Variants in NFATC2 observed in about 807,000 individuals in gnomAD.
NFATC2 encodes nuclear factor of activated T cells 2.
In NFATC2, 22 loss-of-function variants were observed where a neutral mutation model predicts 87.3. The ratio of observed to expected loss-of-function variants is 0.25; its 90% CI spans 0.18 to 0.36. The LOEUF is 0.36. NFATC2 is among the 10% of genes least tolerant of loss of function. The probability of loss-of-function intolerance (pLI) is 1.00; values close to 1 mark genes in which losing one functional copy is unlikely to be tolerated. For synonymous variants in NFATC2, 565 were observed against 542.2 expected, an observed-to-expected ratio of 1.04 and a Z score of -0.58; for missense variants, 1,149 against 1,259.1, an observed-to-expected ratio of 0.91 and a Z score of 1.32.
At chr20:51,543,975 A>ATTTTTTTTTTTTTTTTTTT (rs11473264), upstream of NFATC2, among the ~76,000 whole-genome samples, 10 of 72,978 alleles carry the variant, frequency 1.4e-4, 1 homozygote, top group Admixed American at 2.0e-4. Flanking sequence ...AGAATTCCTA[A>ATTTTTTTTTTTTTTTTTTT]TTTTTTTTTT....
chr20:51,413,994 T>C (rs1196498807), intron 9 of NFATC2, among the ~76,000 whole-genome samples: 5 of 152,230 alleles, frequency 3.3e-5, no homozygotes, highest in Non-Finnish European at 7.3e-5. Flanking sequence ...TTATCATTAT[T>C]GTTCTTTTGT....
intron 9 of NFATC2, among the ~76,000 whole-genome samples, chr20:51,416,698 T>C (rs1197152615): frequency 6.6e-6 from 1 of 152,212 alleles, no homozygotes; most frequent in African/African-American, 2.4e-5. Context: ...GACCTGGTTA[T>C]ACTCACTTCT....
At chr20:51,512,863 C>T (rs906944515) in intron 3 of NFATC2, among the ~76,000 whole-genome samples, 5 of 152,020 alleles carry the variant, frequency 3.3e-5, no homozygotes, top group African/African-American at 1.2e-4. Context: ...ACAGAGAAGC[C>T]GGCGGAAGCA....
At chr20:51,553,308 C>A (rs947988737) in intron 1 of NFATC2, among the ~76,000 whole-genome samples, 1 of 152,164 alleles carries the variant, frequency 6.6e-6, no homozygotes, top group Non-Finnish European at 1.5e-5. Context: ...ACTACTTTGC[C>A]CTGGTTTTGT....
rs1989179536 is a variant in NFATC2, at chr20:51,480,658, G to A, written c.1333-4998C>T. On this transcript the variant is annotated intron_variant, in intron 3 of 10. Transcript: ENST00000371564. The surrounding 1 kb of genome is among the most constrained non-coding windows in gnomAD (Gnocchi z 4.2). ...AATTTCGATGCCAGCTCTGCTTCTT[G>A]ATGGCTGTGTGACTGTGAGCAATCG... is the stretch of plus-strand genomic sequence containing the variant. Among the ~76,000 whole-genome samples, 1 of 152,170 alleles carries A rather than the reference G, an allele frequency of 6.6e-6. No individual in the cohort carries two copies. The highest frequency in any genetic ancestry group is 2.1e-4 in the South Asian group (1 of 4,828).
chr20:51,511,707 G>C (rs2076274443), intron 3 of NFATC2, among the ~76,000 whole-genome samples: 1 of 152,162 alleles, frequency 6.6e-6, no homozygotes, highest in African/African-American at 2.4e-5. Flanking sequence ...CCACCTTCTA[G>C]TCCTTACCAC....
intron 6 of NFATC2, among the ~76,000 whole-genome samples, chr20:51,451,094 T>C (rs1294774877): frequency 2.6e-5 from 4 of 152,132 alleles, no homozygotes; most frequent in Non-Finnish European, 5.9e-5. Context: ...TCAGTGTAAA[T>C]AGAAACCACT....
chr20:51,459,309 CAA>C, intron 5 of NFATC2, among the ~76,000 whole-genome samples: 1 of 152,284 alleles, frequency 6.6e-6, no homozygotes, highest in South Asian at 2.1e-4. Context: ...CACAAAAGGA[CAA>C]ATGGCATAGG....
intron 10 of NFATC2, among the ~76,000 whole-genome samples, chr20:51,393,423 T>G (rs1170204122): frequency 1.4e-5 from 2 of 145,336 alleles, no homozygotes; most frequent in Non-Finnish European, 3.0e-5. Flanking sequence ...GTATTAGATA[T>G]GTATTAGAAA....
rs114277559 is a variant in NFATC2, at chr20:51,459,259, G to A, written c.1709-4571C>T. Among the ~76,000 whole-genome samples the A allele has an allele frequency of 2.7e-3, 415 of 152,272 alleles. 2 individuals carry two copies. The highest frequency in any genetic ancestry group is 9.5e-3 in the African/African-American group (394 of 41,548). On this transcript the variant is annotated intron_variant, in intron 5 of 10. Coordinates refer to ENST00000371564, the MANE Select transcript of NFATC2 (RefSeq NM_012340.5). ...GTGCTGGTTCCATGCCATGACATGG[G>A]TGGACCTTGAAACCATTAAGTGAAG... is the stretch of plus-strand genomic sequence containing the variant.
intron 9 of NFATC2, among the ~76,000 whole-genome samples, chr20:51,399,614 T>C (rs1195510835): frequency 6.6e-6 from 1 of 152,236 alleles, no homozygotes; most frequent in Non-Finnish European, 1.5e-5. Flanking sequence ...TTTCCCAATG[T>C]TGGGCTCCAA....
chr20:51,425,294 A>C (rs188469808), intron 9 of NFATC2, among the ~76,000 whole-genome samples: 1 of 152,386 alleles, frequency 6.6e-6, no homozygotes, highest in Admixed American at 6.5e-5. Context: ...AAGCCCTCCC[A>C]ACGGGGGCCT....
chr20:51,481,378 G>A lies in NFATC2; in HGVS notation c.1333-5718C>T, dbSNP rs1039088055. Among the ~76,000 whole-genome samples the A allele has an allele frequency of 3.3e-5, 5 of 152,022 alleles. No individual in the cohort carries two copies. In the East Asian group the frequency reaches 5.8e-4, roughly 18 times the overall value. ...GCTTCTCCAAAGGTGAGGTCTTCTC[G>A]GTGGCCTGGACCAGCCGGATCACAC... On this transcript the variant is annotated intron_variant, in intron 3 of 10. Coordinates refer to ENST00000371564, the MANE Select transcript of NFATC2 (RefSeq NM_012340.5).
intron 9 of NFATC2, among the ~76,000 whole-genome samples, chr20:51,400,011 T>C (rs534793100): frequency 4.6e-5 from 7 of 152,202 alleles, no homozygotes; most frequent in African/African-American, 9.6e-5. Context: ...CCTGTTCCCA[T>C]GATGGGAAAC....
At chr20:51,423,873 A>G (rs1402037125) in intron 9 of NFATC2, among the ~76,000 whole-genome samples, 1 of 152,224 alleles carries the variant, frequency 6.6e-6, no homozygotes, top group Non-Finnish European at 1.5e-5. Context: ...ATGCAAGTGC[A>G]CATTCCTTTG....
intron 1 of NFATC2, among the ~76,000 whole-genome samples, chr20:51,536,850 T>C (rs2076728733): frequency 6.6e-6 from 1 of 152,150 alleles, no homozygotes; most frequent in Non-Finnish European, 1.5e-5. Flanking sequence ...CACATGTGTT[T>C]AGTGAACCTG....
At chr20:51,416,090 C>T (rs1600688510) in intron 9 of NFATC2, among the ~76,000 whole-genome samples, 1 of 151,994 alleles carries the variant, frequency 6.6e-6, no homozygotes, top group Admixed American at 6.6e-5. Context: ...AGCGAGACCC[C>T]GTCTCTACTA....
chr20:51,429,325 C>A (rs147067656), intron 9 of NFATC2, among the ~76,000 whole-genome samples: 1 of 152,248 alleles, frequency 6.6e-6, no homozygotes, highest in Non-Finnish European at 1.5e-5. Context: ...GCCTTGGAGA[C>A]AAGGCCGGTG....
At chr20:51,517,234 T>C (rs1373703686) in intron 2 of NFATC2, among the ~76,000 whole-genome samples, 1 of 152,122 alleles carries the variant, frequency 6.6e-6, no homozygotes, top group Non-Finnish European at 1.5e-5. Context: ...TAGGCAATGG[T>C]AACACAATGG....
Sources: allele counts gnomAD v4.1 joint callset (sites outside exome capture counted in the v4.1 genomes callset), GRCh38; gene constraint gnomAD v4.1.1; non-coding constraint Gnocchi (gnomAD v3.1); transcripts MANE v1.5; gene names NCBI Gene and HGNC (gene_info 2026-07-23, HGNC 2026-07-21).